The following ERC1 variants were observed in gnomAD, a reference collection of about 807,000 sequenced individuals.
ERC1 encodes the protein ELKS/RAB6-interacting/CAST family member 1, also known as RAB6 interacting protein 2.
Under a neutral mutation model 132.0 loss-of-function variants are expected in ERC1, and 56 were observed. That is an observed-to-expected ratio of 0.42 (90% CI 0.34 to 0.53). ERC1 has a LOEUF of 0.53. Ranked by LOEUF, ERC1 falls within the 20% of genes least tolerant of loss-of-function variation. The pLI is 0.03. For synonymous variants in ERC1, 478 were observed against 476.1 expected, an observed-to-expected ratio of 1.00 and a Z score of -0.05; for missense variants, 1,202 against 1,349.9, an observed-to-expected ratio of 0.89 and a Z score of 1.72.
chr12:1,173,273 A>G (rs560321528), intron 8 of ERC1, among the ~76,000 whole-genome samples: 110 of 152,240 alleles, frequency 7.2e-4, no homozygotes, highest in African/African-American at 2.6e-3. Context: ...GCCTGTAGTG[A>G]TGCTTAAATC....
At chr12:1,372,522 T>C (rs2087365288) in intron 16 of ERC1, among the ~76,000 whole-genome samples, 1 of 152,252 alleles carries the variant, frequency 6.6e-6, no homozygotes, top group Non-Finnish European at 1.5e-5. Context: ...AGTATGAATG[T>C]ACCTAATACA....
At chr12:1,380,123 C>T (rs1388479175) in intron 16 of ERC1, 1 of 152,226 alleles carries the variant, frequency 6.6e-6, no homozygotes, top group Non-Finnish European at 1.5e-5. Context: ...GAAAGCAGAT[C>T]AGACAACAAA....
In ERC1 at chr12:1,494,103, GC is replaced by G. The variant is rs1592402885; in HGVS notation, c.*3874del. On this transcript the variant is annotated 3_prime_UTR_variant, in exon 19 of 19. Coordinates refer to ENST00000360905, the MANE Select transcript of ERC1 (RefSeq NM_178040.4). Reference sequence around the variant, plus strand: ...AAAGAGCCAAGCAGAGAAGACCGCTGCGTGGAGTGTGACACCACATGGCATT... The same window carrying G: ...AAAGAGCCAAGCAGAGAAGACCGCTGGTGGAGTGTGACACCACATGGCATT... 1.7e-5 allele frequency: 4 copies of G among 232,134 alleles called. No homozygotes were observed. The highest frequency in any genetic ancestry group is 3.4e-5 in the Non-Finnish European group (4 of 117,442). The allele number at this position is 232,134 out of a possible 1,614,324, so 14.4% of individuals were successfully genotyped here. A position where few individuals can be genotyped will look rare whatever the true frequency, so the allele number is the denominator to read the frequency against.
chr12:1,194,946 A>AT (rs768911126), intron 12 of ERC1, among the ~76,000 whole-genome samples: 1 of 74,978 alleles, frequency 1.3e-5, no homozygotes, highest in African/African-American at 5.4e-5. Flanking sequence ...ATGGATATAG[A>AT]TTTTTTGGGG....
At chr12:1,012,812 C>G (rs1451793227) in intron 1 of ERC1, among the ~76,000 whole-genome samples, 1 of 152,088 alleles carries the variant, frequency 6.6e-6, no homozygotes, top group Non-Finnish European at 1.5e-5. Context: ...GACCAGAATT[C>G]AGAATTTTTT....
At chr12:1,471,481 A>G (rs1403865788) in intron 18 of ERC1, among the ~76,000 whole-genome samples, 1 of 152,246 alleles carries the variant, frequency 6.6e-6, no homozygotes. Context: ...AATCATCAGA[A>G]AGCAAACATT....
At chr12:1,421,871 A>C (rs1226871938) in intron 17 of ERC1, among the ~76,000 whole-genome samples, 1 of 151,570 alleles carries the variant, frequency 6.6e-6, no homozygotes, top group East Asian at 1.9e-4. Flanking sequence ...CAAAAAAAAA[A>C]AAAAATTAGC....
intron 2 of ERC1, among the ~76,000 whole-genome samples, chr12:1,033,589 G>A (rs1405595255): frequency 1.3e-5 from 2 of 151,418 alleles, no homozygotes; most frequent in East Asian, 3.9e-4. Flanking sequence ...TCACCCTCCC[G>A]AGTGGCCAGG....
At chr12:1,256,167 A>G (rs781489739) in intron 13 of ERC1, among the ~76,000 whole-genome samples, 7 of 152,102 alleles carry the variant, frequency 4.6e-5, no homozygotes, top group African/African-American at 7.2e-5. Context: ...GATAGATTGC[A>G]AAAATTTTCT....
At chr12:1,350,529 C>T (rs137937289) in intron 15 of ERC1, among the ~76,000 whole-genome samples, 1 of 152,244 alleles carries the variant, frequency 6.6e-6, no homozygotes, top group East Asian at 1.9e-4. Context: ...ATATGTAAGC[C>T]ACACATGGTC....
intron 17 of ERC1, among the ~76,000 whole-genome samples, chr12:1,438,979 A>G (rs897452774): frequency 6.6e-6 from 1 of 151,290 alleles, no homozygotes; most frequent in Non-Finnish European, 1.5e-5. Flanking sequence ...ATAAAAAATG[A>G]CATCTTTCAA....
chr12:1,093,909 T>A (rs1283344833), intron 3 of ERC1, among the ~76,000 whole-genome samples: 1 of 138,336 alleles, frequency 7.2e-6, no homozygotes, highest in African/African-American at 2.6e-5. Flanking sequence ...AAATATATAT[T>A]TTTCTATATA....
chr12:1,370,287 A>G (rs2087075350), intron 15 of ERC1, among the ~76,000 whole-genome samples: 2 of 152,180 alleles, frequency 1.3e-5, no homozygotes, highest in Non-Finnish European at 2.9e-5. Flanking sequence ...TTGGACACAA[A>G]CCATAAAGTA....
intron 13 of ERC1, among the ~76,000 whole-genome samples, chr12:1,253,231 A>C (rs1024683716): frequency 6.6e-6 from 1 of 152,120 alleles, no homozygotes; most frequent in Non-Finnish European, 1.5e-5. Flanking sequence ...GCTTAGGGAG[A>C]TCTACCATCA....
intron 17 of ERC1, among the ~76,000 whole-genome samples, chr12:1,422,737 T>C (rs1001409177): frequency 6.6e-6 from 1 of 152,220 alleles, no homozygotes; most frequent in African/African-American, 2.4e-5. Context: ...CTGGATTGTA[T>C]GATAGTTCTA....
intron 13 of ERC1, among the ~76,000 whole-genome samples, chr12:1,258,456 T>C (rs1352679869): frequency 6.6e-6 from 1 of 152,194 alleles, no homozygotes; most frequent in Non-Finnish European, 1.5e-5. Context: ...GGAAGCACTT[T>C]CCAGGGGTTT....
At chr12:1,326,882 GT>G (rs1383980483) in intron 15 of ERC1, among the ~76,000 whole-genome samples, 1 of 151,468 alleles carries the variant, frequency 6.6e-6, no homozygotes, top group Non-Finnish European at 1.5e-5. Context: ...ATTATAGACA[GT>G]TTGTGGGTTT....
At chr12:1,280,944 A>G (rs977374475) in intron 14 of ERC1, among the ~76,000 whole-genome samples, 4 of 152,192 alleles carry the variant, frequency 2.6e-5, no homozygotes, top group African/African-American at 4.8e-5. Flanking sequence ...GTGTTGAAAT[A>G]AATTTTCTCC....
At chr12:1,421,311 G>C (rs560702913) in intron 17 of ERC1, among the ~76,000 whole-genome samples, 86 of 152,266 alleles carry the variant, frequency 5.6e-4, no homozygotes, top group Non-Finnish European at 9.1e-4. Context: ...AGTAGAGAAA[G>C]GGTTTAATTA....
Sources: gnomAD v4.1 joint callset for allele counts (sites outside exome capture counted in the v4.1 genomes callset) on GRCh38, gnomAD v4.1.1 for gene constraint, MANE v1.5 for transcripts, NCBI Gene and HGNC (gene_info 2026-07-23, HGNC 2026-07-21) for gene names.